Variants in CHFR observed in about 807,000 individuals in gnomAD.
The protein encoded by CHFR is E3 ubiquitin-protein ligase CHFR.
CHFR carries 57 observed loss-of-function variants against 87.6 expected under a neutral mutation model. The observed-to-expected ratio is 0.65, with a 90% CI of 0.53 to 0.81. The LOEUF (loss-of-function observed/expected upper bound fraction) is 0.81, where lower values mean the gene tolerates loss of function less well. CHFR is among the 30% of genes least tolerant of loss of function. The pLI is 0.00. For synonymous variants in CHFR, 381 were observed against 359.2 expected, an observed-to-expected ratio of 1.06 and a Z score of -0.69; for missense variants, 797 against 865.8, an observed-to-expected ratio of 0.92 and a Z score of 1.00.
At position 132,848,707 on chromosome 12, in the gene CHFR, G is replaced by A. The variant is rs765505226; in HGVS notation, c.1510C>T (p.Pro504Ser). 2.8e-5 allele frequency: 45 copies of A among 1,587,566 alleles called. No homozygotes were observed. The Admixed American group carries it at 8.0e-4, about 28-fold the overall frequency. The stretch of plus-strand genomic sequence containing the variant: ...CAGCCCCAGTACAGGTGGCAGAAAG[G>A]CTGCAGGCAGACCGCACCTGTGGAG... ...APQQCAVCLQ[P>S]FCHLYWGCTR... The change falls in exon 13 of 18, where the codon CCT becomes TCT. Residue 504 changes from proline to serine, a missense_variant. Physicochemically the swap from Pro to Ser is moderately conservative, Grantham distance 74 (BLOSUM62 -1). Transcript: ENST00000450056.
At chr12:132,873,110 G>A (rs1566199356) in intron 3 of CHFR, among the ~76,000 whole-genome samples, 1 of 152,154 alleles carries the variant, frequency 6.6e-6, no homozygotes, top group Non-Finnish European at 1.5e-5. Flanking sequence ...ACGGCAACCG[G>A]GCAAAACGAC....
At chr12:132,866,573 A>C (rs1472276208) in intron 6 of CHFR, 1 of 129,296 alleles carries the variant, frequency 7.7e-6, no homozygotes, top group Non-Finnish European at 1.7e-5. Context: ...ACAACACACC[A>C]GAATGTTACA....
intron 2 of CHFR, among the ~76,000 whole-genome samples, chr12:132,878,552 C>T (rs1192674613): frequency 6.6e-6 from 1 of 151,338 alleles, no homozygotes; most frequent in African/African-American, 2.4e-5. Context: ...TTTAAAAAAA[C>T]TCAGGGGGTT....
At chr12:132,850,495 C>T (rs933720385) in intron 12 of CHFR, among the ~76,000 whole-genome samples, 2 of 152,306 alleles carry the variant, frequency 1.3e-5, no homozygotes, top group African/African-American at 2.4e-5. Flanking sequence ...TGCCCTCCCA[C>T]GTGCAGCATC....
chr12:132,869,827 G>C lies in CHFR; in HGVS notation c.404-29C>G, dbSNP rs141763844. ...TGGTCCCATGGAACACATTTTCCTT[G>C]TTAGCTTCTGTAACCCAAAAGGAGC... On this transcript the variant is annotated intron_variant, in intron 5 of 17. Coordinates refer to ENST00000450056, the MANE Select transcript of CHFR (RefSeq NM_001161346.2). The C allele has an allele frequency of 9.4e-4, 1,455 of 1,550,784 alleles. 11 individuals are homozygous for C. The African/African-American group carries it at 0.018, about 19-fold the overall frequency.
At chr12:132,856,190 G>A (rs566820097) in intron 10 of CHFR, among the ~76,000 whole-genome samples, 151 of 152,240 alleles carry the variant, frequency 9.9e-4, no homozygotes, top group Non-Finnish European at 1.9e-3. Flanking sequence ...TGTCAGCCGA[G>A]GGTGCAAATG....
At chr12:132,843,956 A>C (rs1950755166) in intron 16 of CHFR, 71 bp downstream of exon 16, 5 of 967,880 alleles carry the variant, frequency 5.2e-6, no homozygotes, top group Non-Finnish European at 8.1e-6. Context: ...TCAAAAAAAA[A>C]AAAGAGAGGC....
At chr12:132,852,930 C>T (rs931836913) in intron 11 of CHFR, among the ~76,000 whole-genome samples, 1 of 152,206 alleles carries the variant, frequency 6.6e-6, no homozygotes, top group Non-Finnish European at 1.5e-5. Context: ...ACCCCCTGCC[C>T]AGCTCTCCTC....
At chr12:132,858,687 C>G (rs575628014) in intron 8 of CHFR, among the ~76,000 whole-genome samples, 1 of 130,982 alleles carries the variant, frequency 7.6e-6, no homozygotes, top group Admixed American at 8.9e-5. Context: ...AAGACTGTGC[C>G]ACTGCACTCC....
chr12:132,884,064 G>A (rs1333968802), intron 2 of CHFR, among the ~76,000 whole-genome samples: 1 of 152,192 alleles, frequency 6.6e-6, no homozygotes, highest in Non-Finnish European at 1.5e-5. Context: ...AGGTTGTAGT[G>A]AGTGAAGATC....
At chr12:132,877,276 A>G (rs1367552401) in intron 3 of CHFR, among the ~76,000 whole-genome samples, 1 of 152,180 alleles carries the variant, frequency 6.6e-6, no homozygotes, top group Non-Finnish European at 1.5e-5. Flanking sequence ...GCAATCGGCT[A>G]TACCATATAG....
chr12:132,870,652 TC>T, intron 5 of CHFR, 71 bp downstream of exon 5: 2 of 1,081,000 alleles, frequency 1.9e-6, no homozygotes, highest in Non-Finnish European at 2.8e-6. Context: ...AGAGCGAGAC[TC>T]CATCTCAAAA....
At chr12:132,849,356 T>C (rs1273727855) in intron 12 of CHFR, 1 of 151,436 alleles carries the variant, frequency 6.6e-6, no homozygotes, top group African/African-American at 2.4e-5. Context: ...CGTGATGCAC[T>C]GCACCCGGCC....
chr12:132,845,806 A>T (rs1259306808), intron 15 of CHFR, among the ~76,000 whole-genome samples: 1 of 152,150 alleles, frequency 6.6e-6, no homozygotes, highest in African/African-American at 2.4e-5. Context: ...TGACCCCAGG[A>T]CCTCTGGATA....
intron 2 of CHFR, among the ~76,000 whole-genome samples, chr12:132,884,311 C>T (rs1040970723): frequency 2.0e-5 from 3 of 151,020 alleles, no homozygotes; most frequent in Non-Finnish European, 4.4e-5. Context: ...CCCAGCTACT[C>T]GGGAGGCTGA....
chr12:132,862,410 C>T (rs1159355477), intron 6 of CHFR: 1 of 449,014 alleles, frequency 2.2e-6, no homozygotes, highest in Non-Finnish European at 4.5e-6. Flanking sequence ...CTGGGCAACA[C>T]AGCAAGGCAC....
Position 132,872,287 on chromosome 12 carries a change from T to C in CHFR, c.341A>G (p.His114Arg), listed in dbSNP as rs778449705. The C allele has an allele frequency of 7.5e-6, 12 of 1,604,264 alleles. No individual in the cohort carries two copies. Among genetic ancestry groups the C allele is most frequent in the Non-Finnish European group, 9.4e-6 (11 of 1,171,050 alleles). ...YLVYRKNEPE[H>R]NVAYLYESLS... ...CGGCAAGCCTTCCTCTCTCTTACTG[T>C]GTTCCGGTTCATTCTTCCTGTACAC... The change falls in exon 4 of 18, where the codon CAC (histidine) becomes CGC (arginine). Residue 114 changes from histidine (H) to arginine (R), a missense_variant and splice_region_variant. Physicochemically the swap from His to Arg is conservative, Grantham distance 29. This residue lies in a region of CHFR where 597 missense variants were observed against 601.2 expected (regional missense o/e 0.99). Coordinates refer to ENST00000450056, the MANE Select transcript of CHFR (RefSeq NM_001161346.2).
At chr12:132,862,371 T>A (rs912312301) in intron 6 of CHFR, 1 of 428,320 alleles carries the variant, frequency 2.3e-6, no homozygotes, top group South Asian at 1.7e-5. Context: ...GGTGGGAGGA[T>A]CACTTGATCC....
intron 13 of CHFR, chr12:132,848,405 T>G: frequency 1.3e-6 from 1 of 741,102 alleles, no homozygotes; most frequent in East Asian, 2.7e-5. Context: ...AGAACCCCGC[T>G]GCAAGGATTC....
Sources: allele counts gnomAD v4.1 joint callset (sites outside exome capture counted in the v4.1 genomes callset), GRCh38; gene constraint gnomAD v4.1.1; regional missense constraint gnomAD v4.1.1; transcripts MANE v1.5; gene names NCBI Gene and HGNC (gene_info 2026-07-23, HGNC 2026-07-21).